The following PHF24 variants were observed in gnomAD, a reference collection of about 807,000 sequenced individuals.
PHF24 encodes the protein PHD finger protein 24, also known as Galpha inhibitory interacting protein.
A neutral mutation model predicts 42.6 loss-of-function variants in PHF24; 25 were observed. That is an observed-to-expected ratio of 0.59 (90% CI 0.43 to 0.82). PHF24 has a LOEUF of 0.82. Among genes scored for constraint, PHF24 ranks in the 40% least tolerant of loss-of-function variants. The pLI, the probability that PHF24 is intolerant of heterozygous loss-of-function variation, is 0.00. For missense variants in PHF24, 470 were observed against 538.1 expected, an observed-to-expected ratio of 0.87 and a Z score of 1.25; for synonymous variants, 185 against 204.8, an observed-to-expected ratio of 0.90 and a Z score of 0.83.
At chr9:34,765,612 T>G in the PHF24 span, among the ~76,000 whole-genome samples, 26 of 148,660 alleles carry the variant, frequency 1.7e-4, no homozygotes, top group African/African-American at 6.1e-4. Context: ...GTGAGATGGG[T>G]TTCCTGAATA....
chr9:34,692,620 C>G, the PHF24 span, among the ~76,000 whole-genome samples: 1,370 of 152,126 alleles, frequency 9.0e-3, 15 homozygotes, highest in Non-Finnish European at 0.015. Context: ...TTACTAACTG[C>G]GACAAGGTGA....
the PHF24 span, among the ~76,000 whole-genome samples, chr9:34,708,621 C>T: frequency 2.0e-5 from 3 of 152,166 alleles, no homozygotes; most frequent in Admixed American, 2.0e-4. Context: ...CTTGGAGGGT[C>T]TCATTGAATA....
intron 1 of PHF24, among the ~76,000 whole-genome samples, chr9:34,969,865 C>A (rs926978194): frequency 6.6e-5 from 10 of 152,140 alleles, no homozygotes; most frequent in African/African-American, 2.4e-4. Context: ...CTCCTCCTAC[C>A]CGCTGTCACC....
At chr9:34,931,592 T>A in the PHF24 span, among the ~76,000 whole-genome samples, 1 of 151,710 alleles carries the variant, frequency 6.6e-6, no homozygotes, top group African/African-American at 2.4e-5. Flanking sequence ...AAATAAAAAA[T>A]AAATAAAAAA....
the PHF24 span, among the ~76,000 whole-genome samples, chr9:34,875,663 C>T: frequency 6.6e-6 from 1 of 152,176 alleles, no homozygotes; most frequent in African/African-American, 2.4e-5. Context: ...CTGAGGAAAG[C>T]ACTGGAGCCT....
At chr9:34,726,079 G>A in the PHF24 span, 3 of 1,503,544 alleles carry the variant, frequency 2.0e-6, no homozygotes, top group Middle Eastern at 1.7e-4. Context: ...TTTGCTGACA[G>A]TGGTGTCTTT....
chr9:34,974,239 C>T (rs1456919513), intron 3 of PHF24, among the ~76,000 whole-genome samples: 1 of 152,218 alleles, frequency 6.6e-6, no homozygotes, highest in East Asian at 1.9e-4. Context: ...TATAATCTGA[C>T]ATCTGCATCC....
chr9:34,960,095 C>T (rs1826538248), intron 1 of PHF24, among the ~76,000 whole-genome samples: 1 of 152,182 alleles, frequency 6.6e-6, no homozygotes, highest in African/African-American at 2.4e-5. Flanking sequence ...CTCGCCCCCT[C>T]GTTGTTTTCA....
the PHF24 span, chr9:34,832,302 G>T: frequency 1.7e-6 from 1 of 605,804 alleles, no homozygotes. Flanking sequence ...GAGCTAGGGT[G>T]GGTGCCCTGG....
At chr9:34,715,127 G>A in the PHF24 span, among the ~76,000 whole-genome samples, 1 of 152,090 alleles carries the variant, frequency 6.6e-6, no homozygotes, top group Admixed American at 6.5e-5. Context: ...GAAGGAAGCA[G>A]TAGGGGCTTT....
chr9:34,794,375 C>A, the PHF24 span, among the ~76,000 whole-genome samples: 1 of 152,104 alleles, frequency 6.6e-6, no homozygotes, highest in Non-Finnish European at 1.5e-5. Context: ...AGGATTTAAC[C>A]AAAATCCAAA....
the PHF24 span, among the ~76,000 whole-genome samples, chr9:34,694,035 C>G: frequency 6.6e-6 from 1 of 152,098 alleles, no homozygotes; most frequent in Non-Finnish European, 1.5e-5. Flanking sequence ...CTCAGCTACT[C>G]AGGAGGCTGA....
rs1006755920 is a variant in PHF24, at chr9:34,969,190, C to G, written c.-4-2105C>G. Among the ~76,000 whole-genome samples the G allele has an allele frequency of 5.3e-5, 8 of 152,226 alleles. 1 individual carries two copies. Among genetic ancestry groups the G allele is most frequent in the African/African-American group, 1.9e-4 (8 of 41,466 alleles). On this transcript the variant is annotated intron_variant, in intron 1 of 7. Transcript: ENST00000242315. The stretch of plus-strand genomic sequence containing the variant: ...GATTGTGGGGACTTCCTCCTGAAAG[C>G]TGAAGGAAGCACTGAAAGTTTTAAT...
chr9:34,709,710 TA>T, the PHF24 span: 7 of 1,613,460 alleles, frequency 4.3e-6, no homozygotes, highest in African/African-American at 1.3e-5. Context: ...TAAGCCTTCT[TA>T]GTCTTGCCCA....
chr9:34,831,849 G>A, the PHF24 span, among the ~76,000 whole-genome samples: 2 of 152,278 alleles, frequency 1.3e-5, no homozygotes, highest in African/African-American at 2.4e-5. Context: ...CTCCAAGATG[G>A]ATTTTCTAGA....
chr9:34,963,754 C>T (rs998336717), intron 1 of PHF24, among the ~76,000 whole-genome samples: 2 of 152,174 alleles, frequency 1.3e-5, no homozygotes, highest in African/African-American at 2.4e-5. Flanking sequence ...AAATCATCCT[C>T]GTGTTCTCAT....
At chr9:34,715,007 G>C in the PHF24 span, among the ~76,000 whole-genome samples, 14 of 152,104 alleles carry the variant, frequency 9.2e-5, no homozygotes, top group South Asian at 2.1e-4. Context: ...CTGTGAACTT[G>C]AGCCTGCAGT....
chr9:34,844,617 C>G, the PHF24 span, among the ~76,000 whole-genome samples: 1 of 152,028 alleles, frequency 6.6e-6, no homozygotes, highest in Non-Finnish European at 1.5e-5. Context: ...TTAACAAGTT[C>G]TAGTTTTATA....
At chr9:34,843,489 C>A in the PHF24 span, among the ~76,000 whole-genome samples, 2 of 152,102 alleles carry the variant, frequency 1.3e-5, no homozygotes, top group African/African-American at 4.8e-5. Context: ...ATCTTGATTA[C>A]TGTAGTTTTA....
Sources: allele counts gnomAD v4.1 joint callset (sites outside exome capture counted in the v4.1 genomes callset), GRCh38; gene constraint gnomAD v4.1.1; transcripts MANE v1.5; gene names NCBI Gene and HGNC (gene_info 2026-07-23, HGNC 2026-07-21).